Variants in INO80 observed in about 807,000 individuals in gnomAD.
INO80 encodes INO80 complex ATPase subunit, also known as chromatin-remodeling ATPase INO80.
A neutral mutation model predicts 203.4 loss-of-function variants in INO80; 20 were observed. That is an observed-to-expected ratio of 0.10 (90% CI 0.07 to 0.14). INO80 has a LOEUF of 0.14. INO80 is among the 10% of genes least tolerant of loss of function. The pLI is 1.00. For missense variants in INO80, 1,419 were observed against 1,914.4 expected, an observed-to-expected ratio of 0.74 and a Z score of 4.83; for synonymous variants, 726 against 685.2, an observed-to-expected ratio of 1.06 and a Z score of -0.93.
Position 40,983,768 on chromosome 15 carries a change from C to A in INO80, c.4231G>T (p.Val1411Leu). The part of the protein sequence containing the change: ...ASITGSVSDT[V>L]NGISIQEMPA... ...ACAAGACAGCAGCAATTACCATTCA[C>A]GGTATCTGAGACGGAGCCTGTTATG... is the stretch of plus-strand genomic sequence containing the variant. Residue 1411 changes from valine to leucine, a missense_variant, in exon 34 of 36, where the codon GTG (valine) becomes TTG (leucine). Physicochemically the swap from Val to Leu is conservative, Grantham distance 32 (BLOSUM62 1). Coordinates refer to ENST00000648947, the MANE Select transcript of INO80 (RefSeq NM_017553.3). 1 of 1,612,186 alleles carries A rather than the reference C, an allele frequency of 6.2e-7. No individual in the cohort carries two copies. The highest frequency in any genetic ancestry group is 2.2e-4 in the Middle Eastern group (1 of 4,552).
At chr15:41,015,991 G>C in intron 27 of INO80, 97 bp downstream of exon 27, 1 of 932,206 alleles carries the variant, frequency 1.1e-6, no homozygotes, top group Non-Finnish European at 1.6e-6. Flanking sequence ...GGGAGTTTTG[G>C]GGCTCCCATT....
At chr15:41,042,169 C>T (rs1214544628) in intron 24 of INO80, among the ~76,000 whole-genome samples, 1 of 151,938 alleles carries the variant, frequency 6.6e-6, no homozygotes, top group Non-Finnish European at 1.5e-5. Flanking sequence ...TGTGCCACCA[C>T]ACCCGGCTAA....
chr15:41,063,631 GGGCGTGGT>G (rs935934732), intron 14 of INO80, among the ~76,000 whole-genome samples: 1 of 151,888 alleles, frequency 6.6e-6, no homozygotes, highest in Non-Finnish European at 1.5e-5. Context: ...AAAATTAGCC[GGGCGTGGT>G]GGCATGCGCC....
intron 35 of INO80, 49 bp downstream of exon 35, chr15:40,982,813 G>T (rs756299273): frequency 2.1e-6 from 3 of 1,449,234 alleles, no homozygotes; most frequent in Admixed American, 1.9e-5. Flanking sequence ...AGAATTTCTA[G>T]ACTGTCTCTG....
chr15:41,093,718 C>T (rs181659012), intron 4 of INO80, among the ~76,000 whole-genome samples: 1 of 151,938 alleles, frequency 6.6e-6, no homozygotes, highest in East Asian at 2.0e-4. Flanking sequence ...CGTGGTGGTG[C>T]GGGCCTGTAG....
rs765539988 is a variant in INO80, at chr15:41,092,042, A to G, written c.522T>C (p.Tyr174=). The G allele has an allele frequency of 3.1e-6, 5 of 1,609,296 alleles. No individual in the cohort carries two copies. Among genetic ancestry groups the G allele is most frequent in the South Asian group, 2.2e-5 (2 of 90,906 alleles). Reference sequence around the variant, plus strand: ...AAACTCTTACCTCCTTGTCTTTACTATACTTATTTTGGTGAAGTTTCTTAT... The same window carrying G: ...AAACTCTTACCTCCTTGTCTTTACTGTACTTATTTTGGTGAAGTTTCTTAT... ...HKYKKLHQNK[Y]SKDKELQQYQ... Residue 174 remains tyrosine, a synonymous_variant, in exon 5 of 36, where the codon TAT becomes TAC. Coordinates refer to ENST00000648947, the MANE Select transcript of INO80 (RefSeq NM_017553.3).
intron 17 of INO80, among the ~76,000 whole-genome samples, chr15:41,055,751 G>A (rs901261124): frequency 1.3e-5 from 2 of 152,132 alleles, no homozygotes; most frequent in Admixed American, 6.6e-5. Context: ...AATATGGCCT[G>A]TTGGGCCAAG....
chr15:41,092,309 A>G lies in INO80; in HGVS notation c.382-127T>C, dbSNP rs887521501. On this transcript the variant is annotated intron_variant, in intron 4 of 35. Coordinates refer to ENST00000648947, the MANE Select transcript of INO80 (RefSeq NM_017553.3). ...AAAGATAGTCACTCCAGTTCCCCTT[A>G]TGACATGCTTTATAAATTCAACTGA... 14 of 590,154 alleles carry G rather than the reference A, an allele frequency of 2.4e-5. No individual in the cohort carries two copies. The East Asian group carries it at 4.0e-4, about 17-fold the overall frequency. The allele number at this position is 590,154 out of a possible 1,614,324, so 36.6% of individuals were successfully genotyped here. A position where few individuals can be genotyped will look rare whatever the true frequency, so the allele number is the denominator to read the frequency against.
intron 14 of INO80, among the ~76,000 whole-genome samples, chr15:41,068,056 A>G (rs924983176): frequency 1.3e-5 from 2 of 152,184 alleles, no homozygotes; most frequent in Admixed American, 1.3e-4. Flanking sequence ...AATTAATTAA[A>G]TCGATGTTCA....
chr15:41,059,616 T>G (rs2045065457), intron 15 of INO80, among the ~76,000 whole-genome samples: 1 of 151,262 alleles, frequency 6.6e-6, no homozygotes. Context: ...ATCATGCCAC[T>G]GCACTCCAGC....
chr15:41,114,432 T>C (rs777607173), intron 1 of INO80, among the ~76,000 whole-genome samples: 30 of 151,936 alleles, frequency 2.0e-4, no homozygotes, highest in Admixed American at 1.7e-3. Flanking sequence ...AATGAGGCCA[T>C]GTGCGGTGGC....
intron 19 of INO80, among the ~76,000 whole-genome samples, chr15:41,051,867 C>T (rs1020064281): frequency 2.6e-5 from 4 of 151,780 alleles, no homozygotes; most frequent in Non-Finnish European, 4.4e-5. Context: ...CTGAGGCAGG[C>T]GAGTCGCTTG....
rs1366325940 is a variant in INO80 at position 41,055,277 on chromosome 15, G to T, written c.2158C>A (p.His720Asn). ...NEWFSKDIES[H>N]AENKSAIDEN... The stretch of plus-strand genomic sequence containing the variant: ...TCAATAGCAGATTTGTTTTCGGCAT[G>T]GCTCTCAATGTCCTTGGAAAACCAT... The change falls in exon 18 of 36, where the codon CAT becomes AAT. Residue 720 changes from histidine (H) to asparagine (N), a missense_variant. By Grantham distance (68) the His-to-Asn change is moderately conservative (BLOSUM62 1). This residue lies in a region of INO80 where 192 missense variants were observed against 406.7 expected (regional missense o/e 0.47). Transcript: ENST00000648947. The T allele has an allele frequency of 6.2e-7, 1 of 1,612,258 alleles. No homozygotes were observed. Among genetic ancestry groups the T allele is most frequent in the Admixed American group, 1.7e-5 (1 of 59,968 alleles).
chr15:40,986,282 A>G (rs1351556810), intron 31 of INO80, among the ~76,000 whole-genome samples: 2 of 151,810 alleles, frequency 1.3e-5, no homozygotes, highest in African/African-American at 4.8e-5. Context: ...TTACCTTTAA[A>G]ATACACACAA....
rs2046029874 is a variant in INO80 at position 41,116,008 on chromosome 15, G to A, written c.-79C>T. The A allele has an allele frequency of 5.1e-6, 2 of 390,566 alleles. No individual in the cohort carries two copies. The highest frequency in any genetic ancestry group is 3.7e-5 in the East Asian group (1 of 27,394). 24.2% of individuals were successfully genotyped at this position (390,566 alleles called of 1,614,324 possible). On this transcript the variant is annotated 5_prime_UTR_variant, in exon 1 of 36. Coordinates refer to ENST00000648947, the MANE Select transcript of INO80 (RefSeq NM_017553.3). The stretch of plus-strand genomic sequence containing the variant: ...CTGGCCCCGCCGCCGCGACGGCGGC[G>A]GAGGGGGGGCGGGGTGCGGGCGGGG...
chr15:41,016,178 A>G lies in INO80; in HGVS notation c.3312T>C (p.Tyr1104=), dbSNP rs2044206137. 1.9e-6 allele frequency: 3 copies of G among 1,614,006 alleles called. No individual in the cohort carries two copies. Among genetic ancestry groups the G allele is most frequent in the Non-Finnish European group, 2.5e-6 (3 of 1,179,896 alleles). ...ESLITDSGKL[Y]ALDVLLTRLK... Reference sequence around the variant, plus strand: ...GCCGAGTCAGCAGGACATCAAGGGCATACAGCTTTCCACTGTCAGTGATGA... The same window carrying G: ...GCCGAGTCAGCAGGACATCAAGGGCGTACAGCTTTCCACTGTCAGTGATGA... Residue 1104 remains tyrosine (Y), a synonymous_variant, in exon 27 of 36, where the codon TAT becomes TAC. Coordinates refer to ENST00000648947, the MANE Select transcript of INO80 (RefSeq NM_017553.3).
chr15:41,090,342 A>T (rs1447446209), intron 5 of INO80, among the ~76,000 whole-genome samples: 1 of 152,028 alleles, frequency 6.6e-6, no homozygotes, highest in Non-Finnish European at 1.5e-5. Flanking sequence ...TTGGTAGGCT[A>T]AGGCGGGAGG....
chr15:41,037,733 A>G (rs1316132157), intron 24 of INO80, among the ~76,000 whole-genome samples: 1 of 152,044 alleles, frequency 6.6e-6, no homozygotes, highest in Non-Finnish European at 1.5e-5. Flanking sequence ...ACTTGAGACC[A>G]GGAGTTCGAG....
Position 41,073,642 on chromosome 15 carries a change from C to A in INO80, c.1328-147G>T, listed in dbSNP as rs564954394. On this transcript the variant is annotated intron_variant, in intron 10 of 35. Transcript: ENST00000648947. The stretch of plus-strand genomic sequence containing the variant: ...GGTGGGGGAAGAGAAAGGCTAAATT[C>A]TCAGAGGTAAGAAGCTGGAAATGCA... 3.9e-5 allele frequency: 27 copies of A among 690,242 alleles called. No homozygotes were observed. The African/African-American group carries it at 4.6e-4, about 12-fold the overall frequency. The allele number at this position is 690,242 out of a possible 1,614,324, so 42.8% of individuals were successfully genotyped here. A position where few individuals can be genotyped will look rare whatever the true frequency, so the allele number is the denominator to read the frequency against.
Sources: gnomAD v4.1 joint callset for allele counts (sites outside exome capture counted in the v4.1 genomes callset) on GRCh38, gnomAD v4.1.1 for gene constraint, gnomAD v4.1.1 regional missense constraint, MANE v1.5 for transcripts, NCBI Gene and HGNC (gene_info 2026-07-23, HGNC 2026-07-21) for gene names.